The following IP6K1 variants were observed in gnomAD, a reference collection of about 807,000 sequenced individuals.
The protein encoded by IP6K1 is inositol hexakisphosphate kinase 1.
In IP6K1, 13 loss-of-function variants were observed where a neutral mutation model predicts 38.3. The ratio of observed to expected loss-of-function variants is 0.34; its 90% CI spans 0.22 to 0.54. The LOEUF (loss-of-function observed/expected upper bound fraction) is 0.54, where lower values mean the gene tolerates loss of function less well. Among genes scored for constraint, IP6K1 ranks in the 20% least tolerant of loss-of-function variants. The pLI, the probability that IP6K1 is intolerant of heterozygous loss-of-function variation, is 0.92. For missense variants in IP6K1, 397 were observed against 599.8 expected, an observed-to-expected ratio of 0.66 and a Z score of 3.53; for synonymous variants, 212 against 229.9, an observed-to-expected ratio of 0.92 and a Z score of 0.70.
At chr3:49,783,225 G>A (rs1351149060) in intron 1 of IP6K1, among the ~76,000 whole-genome samples, 1 of 151,942 alleles carries the variant, frequency 6.6e-6, no homozygotes, top group African/African-American at 2.4e-5. Flanking sequence ...GCCCAGTCTG[G>A]GCAACTGAGA....
At chr3:49,771,694 T>C (rs892153936) in intron 1 of IP6K1, among the ~76,000 whole-genome samples, 3 of 152,110 alleles carry the variant, frequency 2.0e-5, no homozygotes, top group Admixed American at 6.6e-5. Context: ...GCAATTCTAG[T>C]CTCTTCAAGA....
Position 49,727,077 on chromosome 3 carries a change from T to C in IP6K1, c.*45A>G. The C allele has an allele frequency of 6.5e-7, 1 of 1,527,044 alleles. No individual in the cohort carries two copies. Among genetic ancestry groups the C allele is most frequent in the Non-Finnish European group, 8.8e-7 (1 of 1,132,376 alleles). The allele number at this position is 1,527,044 out of a possible 1,614,324, so 94.6% of individuals were successfully genotyped here. On this transcript the variant is annotated 3_prime_UTR_variant, in exon 6 of 6. Transcript: ENST00000321599. This position sits in a 1 kb window ranked among gnomAD's most constrained non-coding sequence, Gnocchi z 5.9. ...ACGGCAAGTTCAGAACAATGGTCCC[T>C]GCCTGCAGTGGAGAGGAAGGGGTTC...
intron 2 of IP6K1, among the ~76,000 whole-genome samples, chr3:49,739,712 G>A (rs2080648199): frequency 6.6e-6 from 1 of 151,990 alleles, no homozygotes; most frequent in African/African-American, 2.4e-5. Flanking sequence ...GGAGTGCAGT[G>A]GTGCCATCAT....
At position 49,738,250 on chromosome 3, in the gene IP6K1, C is replaced by T. The variant is rs902101211; in HGVS notation, c.396G>A (p.Lys132=). ...LHRSGSGSDH[K]EEKASLSLET... Reference sequence around the variant, plus strand: ...CAAGGGACAGGCTGGCTTTCTCCTCCTTGTGGTCACTGCCACTGCCTGACC... The same window carrying T: ...CAAGGGACAGGCTGGCTTTCTCCTCTTTGTGGTCACTGCCACTGCCTGACC... Residue 132 remains lysine, a synonymous_variant, in exon 3 of 6, where the codon AAG becomes AAA. Transcript: ENST00000321599. The T allele has an allele frequency of 6.2e-7, 1 of 1,614,118 alleles. No individual in the cohort carries two copies. Among genetic ancestry groups the T allele is most frequent in the Non-Finnish European group, 8.5e-7 (1 of 1,180,040 alleles).
chr3:49,741,402 T>C (rs182100193), intron 2 of IP6K1, among the ~76,000 whole-genome samples: 1 of 152,324 alleles, frequency 6.6e-6, no homozygotes, highest in African/African-American at 2.4e-5. Flanking sequence ...TGGTTTTGAT[T>C]TGCATTTCTT....
chr3:49,734,178 G>C (rs1474581305), intron 3 of IP6K1, among the ~76,000 whole-genome samples: 2 of 151,882 alleles, frequency 1.3e-5, no homozygotes, highest in African/African-American at 4.8e-5. Flanking sequence ...AAACCACAAA[G>C]GAGTTTTTGT....
chr3:49,747,886 A>G lies in IP6K1; in HGVS notation c.155T>C (p.Ile52Thr). 6.2e-7 allele frequency: 1 copy of G among 1,614,074 alleles called. No homozygotes were observed. Among genetic ancestry groups the G allele is most frequent in the Non-Finnish European group, 8.5e-7 (1 of 1,180,012 alleles). The change falls in exon 2 of 6, where the codon ATC becomes ACC. Residue 52 changes from isoleucine (I) to threonine (T), a missense_variant. Ile to Thr is a moderately conservative substitution (Grantham distance 89). This residue lies in a region of IP6K1 where 171 missense variants were observed against 237.0 expected (regional missense o/e 0.72). Transcript: ENST00000321599. Reference sequence around the variant, plus strand: ...CTCGTAAAAGCGCTGTTCCCGGGAGATGAGGGGCTTGCACACAGTGTGATC... The same window carrying G: ...CTCGTAAAAGCGCTGTTCCCGGGAGGTGAGGGGCTTGCACACAGTGTGATC... ...YDDHTVCKPL[I>T]SREQRFYESL...
At chr3:49,772,911 A>G (rs1324933083) in intron 1 of IP6K1, among the ~76,000 whole-genome samples, 2 of 150,708 alleles carry the variant, frequency 1.3e-5, no homozygotes, top group Non-Finnish European at 3.0e-5. Flanking sequence ...GCAGCCTCCA[A>G]CTCCTATGCT....
At chr3:49,765,334 C>G (rs989071375) in intron 1 of IP6K1, among the ~76,000 whole-genome samples, 17 of 152,082 alleles carry the variant, frequency 1.1e-4, no homozygotes, top group African/African-American at 4.1e-4. Flanking sequence ...AGGGTAACTA[C>G]ATAAGTAAAC....
chr3:49,751,175 T>TTGC (rs2080774650), intron 1 of IP6K1, among the ~76,000 whole-genome samples: 1 of 151,632 alleles, frequency 6.6e-6, no homozygotes, highest in Non-Finnish European at 1.5e-5. Context: ...GTTGTTGTTG[T>TTGC]TGAGATGGAG....
chr3:49,754,836 T>C (rs909660546), intron 1 of IP6K1, among the ~76,000 whole-genome samples: 5 of 152,080 alleles, frequency 3.3e-5, no homozygotes, highest in Non-Finnish European at 5.9e-5. Context: ...TCAGCAGGTA[T>C]ATACTCTAAG....
At position 49,724,636 on chromosome 3, in the gene IP6K1, T is replaced by TA. The variant is rs1293822243; in HGVS notation, c.*2485dup. 4 of 152,630 alleles carry TA rather than the reference T, an allele frequency of 2.6e-5. No homozygotes were observed. Among genetic ancestry groups the TA allele is most frequent in the Non-Finnish European group, 5.9e-5 (4 of 68,060 alleles). The allele number at this position is 152,630 out of a possible 1,614,324, so 9.5% of individuals were successfully genotyped here. ...CAAACATAACCAAATTGTACAGCTT[T>TA]AAAGTTCAAAGCAGTCTGCATCTAG... On this transcript the variant is annotated 3_prime_UTR_variant, in exon 6 of 6. Coordinates refer to ENST00000321599, the MANE Select transcript of IP6K1 (RefSeq NM_153273.4).
At chr3:49,774,364 T>C (rs958348679) in intron 1 of IP6K1, among the ~76,000 whole-genome samples, 2 of 126,462 alleles carry the variant, frequency 1.6e-5, no homozygotes, top group African/African-American at 6.2e-5. Context: ...GCTGAGATAG[T>C]GCCACTGCAG....
intron 4 of IP6K1, among the ~76,000 whole-genome samples, chr3:49,729,554 G>A (rs1206147381): frequency 1.3e-5 from 2 of 151,062 alleles, no homozygotes; most frequent in Admixed American, 6.6e-5. Flanking sequence ...TTACAGGCAT[G>A]TGCCACCATG....
intron 4 of IP6K1, among the ~76,000 whole-genome samples, chr3:49,730,935 C>G (rs1233788679): frequency 6.6e-6 from 1 of 151,964 alleles, no homozygotes; most frequent in African/African-American, 2.4e-5. Flanking sequence ...TCTCAAACTC[C>G]CAACCTCAGG....
chr3:49,758,069 G>C (rs1048454131), intron 1 of IP6K1, among the ~76,000 whole-genome samples: 8 of 152,044 alleles, frequency 5.3e-5, no homozygotes, highest in African/African-American at 1.9e-4. Flanking sequence ...CAGCACTTTG[G>C]GAGGCCGAGG....
chr3:49,748,748 A>T (rs1040635802), intron 1 of IP6K1: 1 of 152,920 alleles, frequency 6.5e-6, no homozygotes, highest in African/African-American at 2.4e-5. Context: ...CATGGAAGAC[A>T]ACTTTTCCAC....
rs901324098 is a variant in IP6K1, at chr3:49,724,958, T to G, written c.*2164A>C. 1 of 152,962 alleles carries G rather than the reference T, an allele frequency of 6.5e-6. No individual in the cohort carries two copies. Among genetic ancestry groups the G allele is most frequent in the Non-Finnish European group, 1.5e-5 (1 of 68,274 alleles). 9.5% of individuals were successfully genotyped at this position (152,962 alleles called of 1,614,324 possible). A position where few individuals can be genotyped will look rare whatever the true frequency, so the allele number is the denominator to read the frequency against. On this transcript the variant is annotated 3_prime_UTR_variant, in exon 6 of 6. Transcript: ENST00000321599. ...GTTCCCAAGTTGGGGCTAAGAAGGC[T>G]GGGCCTGGCAGGGACAGGGCTCTCT... is the stretch of plus-strand genomic sequence containing the variant.
intron 1 of IP6K1, among the ~76,000 whole-genome samples, chr3:49,766,159 G>A (rs1308622427): frequency 6.6e-6 from 1 of 151,970 alleles, no homozygotes; most frequent in Non-Finnish European, 1.5e-5. Flanking sequence ...TTGGGCTTCA[G>A]AGCAAGACTC....
Sources: gnomAD v4.1 joint callset for allele counts (sites outside exome capture counted in the v4.1 genomes callset) on GRCh38, gnomAD v4.1.1 for gene constraint, gnomAD v4.1.1 regional missense constraint, Gnocchi (gnomAD v3.1) non-coding constraint, MANE v1.5 for transcripts, NCBI Gene and HGNC (gene_info 2026-07-23, HGNC 2026-07-21) for gene names.